MITF: variants seen among roughly 807,000 people sequenced by gnomAD.
MITF encodes the protein microphthalmia-associated transcription factor.
MITF carries 17 observed loss-of-function variants against 60.5 expected under a neutral mutation model. The ratio of observed to expected loss-of-function variants is 0.28; its 90% CI spans 0.19 to 0.42. The LOEUF (loss-of-function observed/expected upper bound fraction) is 0.42, where lower values mean the gene tolerates loss of function less well. Ranked by LOEUF, MITF falls within the 10% of genes least tolerant of loss-of-function variation. The pLI is 1.00. For synonymous variants in MITF, 260 were observed against 248.5 expected, an observed-to-expected ratio of 1.05 and a Z score of -0.43; for missense variants, 622 against 683.5, an observed-to-expected ratio of 0.91 and a Z score of 1.00.
intron 1 of MITF, among the ~76,000 whole-genome samples, chr3:69,813,364 T>C (rs1344701550): frequency 6.6e-6 from 1 of 152,236 alleles, no homozygotes; most frequent in Non-Finnish European, 1.5e-5. Flanking sequence ...TGGGAAGCGC[T>C]GTTGCAATTC....
chr3:69,778,964 T>C (rs1036528897), intron 1 of MITF: 1 of 152,200 alleles, frequency 6.6e-6, no homozygotes, highest in Admixed American at 6.5e-5. Context: ...CCCTTTATGA[T>C]GACTTTTGAT....
intron 5 of MITF, among the ~76,000 whole-genome samples, chr3:69,943,080 T>TC (rs1288426367): frequency 6.6e-6 from 1 of 151,372 alleles, no homozygotes; most frequent in African/African-American, 2.4e-5. Flanking sequence ...CTCTTTTTTT[T>TC]TTTTTTTTTT....
At chr3:69,743,251 ACC>A (rs1183667702) in intron 1 of MITF, among the ~76,000 whole-genome samples, 7 of 152,218 alleles carry the variant, frequency 4.6e-5, no homozygotes, top group Admixed American at 3.3e-4. Context: ...TAGGCAAAGT[ACC>A]CTCATTTCAG....
In MITF at chr3:69,766,376, A is replaced by ATTTTT. The variant is rs753953309; in HGVS notation, c.104+26701_104+26705dup. Among the ~76,000 whole-genome samples, 32 of 95,138 alleles carry ATTTTT rather than the reference A, an allele frequency of 3.4e-4. 1 individual carries two copies. The highest frequency in any genetic ancestry group is 8.1e-4 in the South Asian group (2 of 2,464). The allele number at this position is 95,138 out of a possible 152,430, so 62.4% of individuals were successfully genotyped here. On this transcript the variant is annotated intron_variant, in intron 1 of 9. Coordinates refer to ENST00000352241, the MANE Select transcript of MITF (RefSeq NM_001354604.2). ...AGGTGTGCACCACCATGCCCAGCTA[A>ATTTTT]TTTTTTTTTTTTTTTTTTTTTTTTT...
chr3:69,741,175 T>C (rs1225732273), intron 1 of MITF, among the ~76,000 whole-genome samples: 1 of 152,118 alleles, frequency 6.6e-6, no homozygotes, highest in Non-Finnish European at 1.5e-5. Flanking sequence ...TGTGTGAGCA[T>C]AGATTGTGTG....
chr3:69,873,579 G>A (rs960503635), intron 1 of MITF, among the ~76,000 whole-genome samples: 1 of 152,156 alleles, frequency 6.6e-6, no homozygotes. Flanking sequence ...TGGTCTCATA[G>A]CCTATTTGGC....
intron 1 of MITF, among the ~76,000 whole-genome samples, chr3:69,757,997 ATGTGTGTGTGTGTGTGTGTGTGTGTG>A (rs60250386): frequency 1.7e-5 from 2 of 116,048 alleles, no homozygotes; most frequent in African/African-American, 7.0e-5. Context: ...ACCCTAGGGC[ATGTGTGTGTGTGTGTGTGTGTGTGTG>A]TGTGTGTGTG....
At position 69,966,567 on chromosome 3, in the gene MITF, T is replaced by C. The variant is rs920210465; in HGVS notation, c.*1319T>C. On this transcript the variant is annotated 3_prime_UTR_variant, in exon 10 of 10. Transcript: ENST00000352241. ...GGTTTATTTCAGCAAACTTGTTGAA[T>C]TTATTTTTAAGAAAGAAATACTGTA... 1 of 233,034 alleles carries C rather than the reference T, an allele frequency of 4.3e-6. No homozygotes were observed. The highest frequency in any genetic ancestry group is 2.2e-5 in the African/African-American group (1 of 45,334). 14.4% of individuals were successfully genotyped at this position (233,034 alleles called of 1,614,324 possible). A position where few individuals can be genotyped will look rare whatever the true frequency, so the allele number is the denominator to read the frequency against.
At chr3:69,858,788 A>G (rs1209991281) in intron 1 of MITF, among the ~76,000 whole-genome samples, 1 of 152,190 alleles carries the variant, frequency 6.6e-6, no homozygotes, top group East Asian at 1.9e-4. Flanking sequence ...TAAGATATCA[A>G]AATTCAAAAC....
intron 9 of MITF, among the ~76,000 whole-genome samples, chr3:69,963,977 T>C (rs889389650): frequency 1.4e-5 from 2 of 140,824 alleles, no homozygotes; most frequent in African/African-American, 2.7e-5. Context: ...TTTCTTTTTT[T>C]TTTTTTTTTT....
At chr3:69,929,937 C>T (rs2065680355) in intron 2 of MITF, among the ~76,000 whole-genome samples, 1 of 152,076 alleles carries the variant, frequency 6.6e-6, no homozygotes, top group Non-Finnish European at 1.5e-5. Flanking sequence ...CAAAGATAAC[C>T]ATGATTTGTA....
At chr3:69,938,374 G>C (rs1481627546) in intron 3 of MITF, 12 of 1,567,862 alleles carry the variant, frequency 7.7e-6, no homozygotes, top group Non-Finnish European at 1.0e-5. Flanking sequence ...TGAGAATGCA[G>C]AGAGAGGAGA....
intron 2 of MITF, among the ~76,000 whole-genome samples, chr3:69,918,021 T>C (rs1010296354): frequency 6.6e-6 from 1 of 152,132 alleles, no homozygotes; most frequent in African/African-American, 2.4e-5. Flanking sequence ...GCTCATCCTT[T>C]TCTCTAAATT....
intron 1 of MITF, among the ~76,000 whole-genome samples, chr3:69,805,633 G>A (rs1029589783): frequency 1.3e-5 from 2 of 152,164 alleles, no homozygotes; most frequent in East Asian, 3.9e-4. Flanking sequence ...ACAGACACTC[G>A]ATAAATATTT....
chr3:69,748,280 G>A (rs1289887192), intron 1 of MITF, among the ~76,000 whole-genome samples: 2 of 152,164 alleles, frequency 1.3e-5, no homozygotes, highest in South Asian at 2.1e-4. Context: ...TCACTCTTTT[G>A]CCCAGGCTGG....
chr3:69,913,927 T>C (rs2065277939), intron 2 of MITF, among the ~76,000 whole-genome samples: 2 of 152,184 alleles, frequency 1.3e-5, no homozygotes. Context: ...GCACTTCAAA[T>C]GAGAAGGGGA....
At chr3:69,949,024 T>C (rs1380255993) in intron 5 of MITF, 27 bp from the exon 6 acceptor site, 1 of 1,495,012 alleles carries the variant, frequency 6.7e-7, no homozygotes, top group African/African-American at 1.4e-5. Context: ...CAACAGTTAA[T>C]TTCTGTTACT....
At chr3:69,954,267 C>T (rs758825697) in intron 7 of MITF, among the ~76,000 whole-genome samples, 6 of 152,120 alleles carry the variant, frequency 3.9e-5, no homozygotes, top group Non-Finnish European at 5.9e-5. Context: ...TTGTTGAGAG[C>T]GTACTATGTG....
At chr3:69,877,188 A>G (rs993731351) in intron 1 of MITF, among the ~76,000 whole-genome samples, 3 of 152,200 alleles carry the variant, frequency 2.0e-5, no homozygotes, top group Non-Finnish European at 4.4e-5. Flanking sequence ...CATATATGAT[A>G]ATGTATTTAA....
Sources: allele counts gnomAD v4.1 joint callset (sites outside exome capture counted in the v4.1 genomes callset), GRCh38; gene constraint gnomAD v4.1.1; transcripts MANE v1.5; gene names NCBI Gene and HGNC (gene_info 2026-07-23, HGNC 2026-07-21).